The following AGBL1 variants were observed in gnomAD, a reference collection of about 807,000 sequenced individuals.
AGBL1 encodes cytosolic carboxypeptidase 4.
In AGBL1, 130 loss-of-function variants were observed where a neutral mutation model predicts 118.9. The observed-to-expected ratio is 1.09, with a 90% confidence interval of 0.95 to 1.26. The LOEUF is 1.26. Ranked by LOEUF, AGBL1 falls within the 50% of genes most tolerant of loss-of-function variation. AGBL1 has a pLI of 0.00. For missense variants in AGBL1, 1,584 were observed against 1,298.1 expected (o/e 1.22, Z -3.38); for synonymous variants, 555 against 478.9 (o/e 1.16, Z -2.08).
chr15:86,528,300 C>T (rs1037432698), intron 19 of AGBL1, among the ~76,000 whole-genome samples: 6 of 152,216 alleles, frequency 3.9e-5, no homozygotes, highest in East Asian at 1.9e-4. Context: ...ACCTGGGAAG[C>T]GCAAGGGGTC....
intron 22 of AGBL1, among the ~76,000 whole-genome samples, chr15:86,823,209 T>C (rs546204738): frequency 1.3e-5 from 2 of 150,230 alleles, no homozygotes; most frequent in South Asian, 4.3e-4. Context: ...GACTCTATTG[T>C]AATGGAGCTG....
intron 22 of AGBL1, among the ~76,000 whole-genome samples, chr15:86,755,500 G>A (rs559326159): frequency 6.6e-6 from 1 of 152,186 alleles, no homozygotes; most frequent in East Asian, 1.9e-4. Context: ...GGACACCACT[G>A]CCATTTCCTG....
chr15:86,853,614 T>C (rs953123308), intron 22 of AGBL1, among the ~76,000 whole-genome samples: 1 of 152,196 alleles, frequency 6.6e-6, no homozygotes, highest in Admixed American at 6.5e-5. Flanking sequence ...GCTGCCTTTA[T>C]TTTTCAGAGC....
intron 1 of AGBL1, among the ~76,000 whole-genome samples, chr15:86,134,124 A>G (rs139794947): frequency 3.5e-4 from 54 of 152,350 alleles, no homozygotes; most frequent in African/African-American, 1.3e-3. Flanking sequence ...GTGAAGACAG[A>G]GAGCGGCTGG....
At chr15:86,707,597 A>G (rs1421782088) in intron 22 of AGBL1, among the ~76,000 whole-genome samples, 4 of 152,158 alleles carry the variant, frequency 2.6e-5, no homozygotes, top group Non-Finnish European at 5.9e-5. Flanking sequence ...TGGAAAAAAG[A>G]CAAAATCGAA....
At chr15:86,829,501 G>A (rs1481780590) in intron 22 of AGBL1, among the ~76,000 whole-genome samples, 1 of 152,260 alleles carries the variant, frequency 6.6e-6, no homozygotes, top group African/African-American at 2.4e-5. Flanking sequence ...CAGTTCACAT[G>A]CCAGATTTCT....
rs111370418 is a variant in AGBL1 at position 86,913,228 on chromosome 15, C to T, written c.*5934C>T. On this transcript the variant is annotated 3_prime_UTR_variant, in exon 23 of 23. Transcript: ENST00000614907. ...ACACACACACACACACACACACACA[C>T]GGCACAGGGCTTTAAGCATAACAAT... is the stretch of plus-strand genomic sequence containing the variant. The T allele has an allele frequency of 0.022, 3,292 of 149,702 alleles. 71 individuals are homozygous for T. The highest frequency in any genetic ancestry group is 0.063 in the Admixed American group (949 of 15,014). The allele number at this position is 149,702 out of a possible 1,614,324, so 9.3% of individuals were successfully genotyped here.
intron 17 of AGBL1, among the ~76,000 whole-genome samples, chr15:86,330,048 C>G (rs1289134744): frequency 1.3e-5 from 2 of 152,210 alleles, no homozygotes; most frequent in African/African-American, 2.4e-5. Context: ...GTTGGATTCT[C>G]CCTCTGCACT....
At chr15:86,283,882 C>T (rs575419106) in intron 16 of AGBL1, among the ~76,000 whole-genome samples, 5 of 152,186 alleles carry the variant, frequency 3.3e-5, no homozygotes, top group Admixed American at 2.6e-4. Flanking sequence ...GCTTTGAGGT[C>T]AGACAGGCCT....
intron 17 of AGBL1, among the ~76,000 whole-genome samples, chr15:86,344,310 T>C (rs2080504479): frequency 6.6e-6 from 1 of 152,182 alleles, no homozygotes; most frequent in Non-Finnish European, 1.5e-5. Flanking sequence ...CAAAGCTTCC[T>C]TTGGGAGGTG....
intron 22 of AGBL1, among the ~76,000 whole-genome samples, chr15:86,727,037 C>T (rs924346141): frequency 5.3e-5 from 8 of 152,060 alleles, no homozygotes; most frequent in Non-Finnish European, 5.9e-5. Context: ...ATGCAGAACA[C>T]GTTTAAACTC....
intron 5 of AGBL1, among the ~76,000 whole-genome samples, chr15:86,202,948 G>A (rs995386572): frequency 6.6e-6 from 1 of 152,142 alleles, no homozygotes; most frequent in Non-Finnish European, 1.5e-5. Flanking sequence ...GACAGGCACA[G>A]TGGCTCATGC....
intron 21 of AGBL1, among the ~76,000 whole-genome samples, chr15:86,673,396 G>A (rs145288671): frequency 3.9e-5 from 6 of 152,228 alleles, no homozygotes; most frequent in South Asian, 2.1e-4. Flanking sequence ...CAAAAACCAC[G>A]CACTTTCTAG....
rs531963827 is a variant in AGBL1 at position 86,778,546 on chromosome 15, A to C, written c.3158+104110A>C. ...TCTCAGGGATGTTCCTTGCTGAGAAAAAGAATTCAGCGATATTTCTCCCAT... is the reference window on the plus strand; with the variant it reads ...TCTCAGGGATGTTCCTTGCTGAGAACAAGAATTCAGCGATATTTCTCCCAT... On this transcript the variant is annotated intron_variant, in intron 22 of 22. Transcript: ENST00000614907. Among the ~76,000 whole-genome samples, 17 of 152,310 alleles carry C rather than the reference A, an allele frequency of 1.1e-4. No homozygotes were observed. The South Asian group carries it at 1.7e-3, about 15-fold the overall frequency.
chr15:86,484,323 C>T (rs1287882192), intron 18 of AGBL1, among the ~76,000 whole-genome samples: 1 of 152,044 alleles, frequency 6.6e-6, no homozygotes, highest in African/African-American at 2.4e-5. Context: ...GTGGAAAGAA[C>T]TGCACAGAGG....
At chr15:86,382,307 T>C (rs2081123685) in intron 17 of AGBL1, among the ~76,000 whole-genome samples, 1 of 152,316 alleles carries the variant, frequency 6.6e-6, no homozygotes, top group Non-Finnish European at 1.5e-5. Context: ...AAATAAGTCT[T>C]TGAGACTGTT....
intron 19 of AGBL1, among the ~76,000 whole-genome samples, chr15:86,544,542 G>C (rs548374419): frequency 7.9e-5 from 12 of 152,310 alleles, no homozygotes; most frequent in Admixed American, 2.0e-4. Flanking sequence ...TCACGATCAT[G>C]GTGGAGGGCA....
chr15:86,679,807 A>T (rs1457121562), intron 22 of AGBL1, among the ~76,000 whole-genome samples: 1 of 152,164 alleles, frequency 6.6e-6, no homozygotes, highest in South Asian at 2.1e-4. Flanking sequence ...CTAGAAAAAT[A>T]ACTATTTACT....
intron 6 of AGBL1, among the ~76,000 whole-genome samples, chr15:86,237,077 G>T (rs1464965037): frequency 2.6e-5 from 4 of 152,040 alleles, no homozygotes; most frequent in African/African-American, 9.7e-5. Context: ...GGCCAGCCCA[G>T]CTCTAAAAGC....
Sources: gnomAD v4.1 joint callset for allele counts (sites outside exome capture counted in the v4.1 genomes callset) on GRCh38, gnomAD v4.1.1 for gene constraint, MANE v1.5 for transcripts, NCBI Gene and HGNC (gene_info 2026-07-23, HGNC 2026-07-21) for gene names.